The following GPAT3 variants were observed in gnomAD, a reference collection of about 807,000 sequenced individuals.
The protein encoded by GPAT3 is 1-AGP acyltransferase 9.
GPAT3 carries 53 observed loss-of-function variants against 58.8 expected under a neutral mutation model. The ratio of observed to expected loss-of-function variants is 0.90; its 90% CI spans 0.72 to 1.13. The LOEUF is 1.13. Ranked by LOEUF, GPAT3 falls within the 50% of genes most tolerant of loss-of-function variation. The pLI is 0.00. For synonymous variants in GPAT3, 197 were observed against 187.4 expected, an observed-to-expected ratio of 1.05 and a Z score of -0.42; for missense variants, 511 against 527.6, an observed-to-expected ratio of 0.97 and a Z score of 0.31.
At chr4:83,541,516 G>T (rs1375720407) in intron 1 of GPAT3, among the ~76,000 whole-genome samples, 2 of 150,658 alleles carry the variant, frequency 1.3e-5, no homozygotes, top group Non-Finnish European at 2.9e-5. Flanking sequence ...ATAGGCATGA[G>T]CCACAGTGTC....
chr4:83,580,261 T>C (rs1447174644), intron 2 of GPAT3, among the ~76,000 whole-genome samples: 1 of 152,190 alleles, frequency 6.6e-6, no homozygotes, highest in Non-Finnish European at 1.5e-5. Flanking sequence ...GAAAACCTAA[T>C]CCTATTGTCT....
In GPAT3 at chr4:83,588,258, C is replaced by T. The variant is rs761807092; in HGVS notation, c.603C>T (p.Ile201=). Residue 201 remains isoleucine (I), a synonymous_variant, in exon 5 of 12, where the codon ATC becomes ATT. Coordinates refer to ENST00000264409, the MANE Select transcript of GPAT3 (RefSeq NM_032717.5). ...SELVHLTCCR[I]CVRALSGTIH... Reference sequence around the variant, plus strand: ...TGGTCCATCTGACTTGCTGCCGGATCTGTGTGCGAGCCCTCTCTGGTACCA... The same window carrying T: ...TGGTCCATCTGACTTGCTGCCGGATTTGTGTGCGAGCCCTCTCTGGTACCA... 1 of 1,613,860 alleles carries T rather than the reference C, an allele frequency of 6.2e-7. No homozygotes were observed. The highest frequency in any genetic ancestry group is 1.3e-5 in the African/African-American group (1 of 74,906).
chr4:83,567,270 A>G (rs1725434158), intron 2 of GPAT3, among the ~76,000 whole-genome samples: 1 of 152,288 alleles, frequency 6.6e-6, no homozygotes, highest in South Asian at 2.1e-4. Context: ...TCTTCCCAAT[A>G]AAGATCATGT....
Position 83,581,792 on chromosome 4 carries a change from C to G in GPAT3, c.439C>G (p.Leu147Val). 6.2e-7 allele frequency: 1 copy of G among 1,614,078 alleles called. No individual in the cohort carries two copies. The highest frequency in any genetic ancestry group is 8.5e-7 in the Non-Finnish European group (1 of 1,180,002). The change falls in exon 3 of 12, where the codon CTG becomes GTG. Residue 147 changes from leucine to valine, a missense_variant. Coordinates refer to ENST00000264409, the MANE Select transcript of GPAT3 (RefSeq NM_032717.5). ...ISLRLTMVWV[L>V]GVIVRYCVLL... is the part of the protein sequence containing the mutation. Reference sequence around the variant, plus strand: ...TCTGCGGCTCACTATGGTGTGGGTGCTGGGCGTCATAGTGCGCTATTGTGT... The same window carrying G: ...TCTGCGGCTCACTATGGTGTGGGTGGTGGGCGTCATAGTGCGCTATTGTGT...
chr4:83,597,002 C>T (rs1490881745), intron 8 of GPAT3, 89 bp downstream of exon 8: 8 of 1,192,516 alleles, frequency 6.7e-6, no homozygotes, highest in East Asian at 2.4e-5. Context: ...GAATTGGCAA[C>T]CTTAGCCCAG....
chr4:83,580,821 G>T (rs1353918456), intron 2 of GPAT3, among the ~76,000 whole-genome samples: 1 of 152,078 alleles, frequency 6.6e-6, no homozygotes, highest in Non-Finnish European at 1.5e-5. Context: ...AATCGGCCGG[G>T]CGTGGTGGCT....
chr4:83,581,867 T>C (rs776877481), intron 3 of GPAT3, 35 bp downstream of exon 3: 1 of 1,572,056 alleles, frequency 6.4e-7, no homozygotes, highest in Non-Finnish European at 8.6e-7. Context: ...ATGATACGCT[T>C]GACTCAGCTT....
chr4:83,588,146 C>T (rs1726453545), intron 4 of GPAT3, 64 bp from the exon 5 acceptor site: 12 of 1,440,244 alleles, frequency 8.3e-6, no homozygotes, highest in Non-Finnish European at 1.2e-5. Context: ...ACATTAAAAC[C>T]TTTATTATAT....
At chr4:83,590,334 A>C (rs761127190) in intron 6 of GPAT3, 42 bp downstream of exon 6, 1 of 1,586,010 alleles carries the variant, frequency 6.3e-7, no homozygotes, top group East Asian at 2.2e-5. Context: ...TGCATGTTTT[A>C]TGGATTGATC....
At chr4:83,554,919 T>C (rs1724895405) in intron 2 of GPAT3, among the ~76,000 whole-genome samples, 1 of 150,540 alleles carries the variant, frequency 6.6e-6, no homozygotes, top group Non-Finnish European at 1.5e-5. Flanking sequence ...TTCTCCAGCC[T>C]CAGCCTCCTG....
Position 83,536,558 on chromosome 4 carries a change from G to A in GPAT3, c.-65G>A. 1.3e-6 allele frequency: 2 copies of A among 1,570,620 alleles called. No homozygotes were observed. Among genetic ancestry groups the A allele is most frequent in the Non-Finnish European group, 1.7e-6 (2 of 1,156,408 alleles). ...CTGGAGCTCCCGCGGGACTGCCTGGGGACAGGGACTGCTGTGGCGCTCGGC... is the reference window on the plus strand; with the variant it reads ...CTGGAGCTCCCGCGGGACTGCCTGGAGACAGGGACTGCTGTGGCGCTCGGC... On this transcript the variant is annotated 5_prime_UTR_variant, in exon 1 of 12. Transcript: ENST00000264409.
At chr4:83,580,126 A>AT (rs1228274905) in intron 2 of GPAT3, among the ~76,000 whole-genome samples, 2 of 152,272 alleles carry the variant, frequency 1.3e-5, no homozygotes, top group South Asian at 2.1e-4. Context: ...AGACTTTCTC[A>AT]TTTTTTGTAT....
rs1169972690 is a variant in GPAT3, at chr4:83,598,327, A to G, written c.1125+148A>G. 5.5e-6 allele frequency: 6 copies of G among 1,088,788 alleles called. No individual in the cohort carries two copies. In the East Asian group the frequency reaches 1.6e-4, roughly 28 times the overall value. The allele number at this position is 1,088,788 out of a possible 1,614,324, so 67.4% of individuals were successfully genotyped here. A position where few individuals can be genotyped will look rare whatever the true frequency, so the allele number is the denominator to read the frequency against. On this transcript the variant is annotated intron_variant, in intron 10 of 11. Coordinates refer to ENST00000264409, the MANE Select transcript of GPAT3 (RefSeq NM_032717.5). Reference sequence around the variant, plus strand: ...TAATGATGTATTTAGCTCACTTTAAATCAGACCATTTTATATTGAGAGATT... The same window carrying G: ...TAATGATGTATTTAGCTCACTTTAAGTCAGACCATTTTATATTGAGAGATT...
intron 2 of GPAT3, among the ~76,000 whole-genome samples, chr4:83,580,175 T>C (rs1302909899): frequency 6.6e-6 from 1 of 152,226 alleles, no homozygotes; most frequent in African/African-American, 2.4e-5. Context: ...CATTTTTCAA[T>C]TCATAAAAAT....
chr4:83,545,179 G>A (rs1353131621), intron 2 of GPAT3, among the ~76,000 whole-genome samples: 3 of 152,172 alleles, frequency 2.0e-5, no homozygotes, highest in Non-Finnish European at 4.4e-5. Flanking sequence ...AGTGGCTCAC[G>A]CCTATAATCC....
intron 1 of GPAT3, among the ~76,000 whole-genome samples, chr4:83,543,751 C>A (rs1306475202): frequency 6.6e-6 from 1 of 152,058 alleles, no homozygotes; most frequent in African/African-American, 2.4e-5. Context: ...TCAAGCAATT[C>A]TGTTTCAGCC....
At chr4:83,582,142 G>A (rs1165605642) in intron 3 of GPAT3, among the ~76,000 whole-genome samples, 1 of 142,542 alleles carries the variant, frequency 7.0e-6, no homozygotes, top group Non-Finnish European at 1.5e-5. Flanking sequence ...GGAAGAGGAA[G>A]AAGAAGAAGA....
At position 83,598,178 on chromosome 4, in the gene GPAT3, A is replaced by T. The variant is rs1726920543; in HGVS notation, c.1124A>T (p.Glu375Val). Residue 375 changes from glutamate to valine, a missense_variant and splice_region_variant, in exon 10 of 12, where the codon GAG becomes GTG. Physicochemically the swap from Glu to Val is moderately radical, Grantham distance 121. Coordinates refer to ENST00000264409, the MANE Select transcript of GPAT3 (RefSeq NM_032717.5). ...DVWYMPPMTREEGEDAVQFAN... is the reference protein window; with the variant it reads ...DVWYMPPMTRVEGEDAVQFAN... ...TGGTACATGCCCCCCATGACCAGAG[A>T]GGTATTCCTTAGCTAACACTTTATC... is the stretch of plus-strand genomic sequence containing the variant. 1 of 1,612,142 alleles carries T rather than the reference A, an allele frequency of 6.2e-7. No individual in the cohort carries two copies. Among genetic ancestry groups the T allele is most frequent in the Non-Finnish European group, 8.5e-7 (1 of 1,179,440 alleles).
At chr4:83,564,188 G>A (rs1725294282) in intron 2 of GPAT3, among the ~76,000 whole-genome samples, 1 of 152,284 alleles carries the variant, frequency 6.6e-6, no homozygotes, top group Non-Finnish European at 1.5e-5. Flanking sequence ...CACCAATGTT[G>A]TAAATATATG....
Sources: allele counts gnomAD v4.1 joint callset (sites outside exome capture counted in the v4.1 genomes callset), GRCh38; gene constraint gnomAD v4.1.1; transcripts MANE v1.5; gene names NCBI Gene and HGNC (gene_info 2026-07-23, HGNC 2026-07-21).